Variants in PLCH1 observed in about 807,000 individuals in gnomAD.
PLCH1 encodes phospholipase C eta 1, also known as 1-phosphatidylinositol 4,5-bisphosphate phosphodiesterase eta-1.
Under a neutral mutation model 126.7 loss-of-function variants are expected in PLCH1, and 60 were observed. The ratio of observed to expected loss-of-function variants is 0.47; its 90% CI spans 0.38 to 0.59. The LOEUF (loss-of-function observed/expected upper bound fraction) is 0.59, where lower values mean the gene tolerates loss of function less well. Ranked by LOEUF, PLCH1 falls within the 20% of genes least tolerant of loss-of-function variation. The pLI, the probability that PLCH1 is intolerant of heterozygous loss-of-function variation, is 0.00. For missense variants in PLCH1, 1,723 were observed against 2,040.0 expected (o/e 0.84, Z 2.99); for synonymous variants, 719 against 734.9 (o/e 0.98, Z 0.35).
intron 2 of PLCH1, among the ~76,000 whole-genome samples, chr3:155,701,424 G>A (rs1746263426): frequency 6.6e-6 from 1 of 152,166 alleles, no homozygotes; most frequent in South Asian, 2.1e-4. Flanking sequence ...TGGCAACACT[G>A]CTGAAGTTTG....
chr3:155,616,112 G>T (rs538186845), intron 2 of PLCH1, among the ~76,000 whole-genome samples: 10 of 152,028 alleles, frequency 6.6e-5, no homozygotes, highest in Non-Finnish European at 1.0e-4. Flanking sequence ...GAAAGAGTCC[G>T]ACATTATCTG....
intron 2 of PLCH1, among the ~76,000 whole-genome samples, chr3:155,660,440 A>G (rs1292266987): frequency 2.0e-5 from 3 of 152,214 alleles, no homozygotes; most frequent in Non-Finnish European, 2.9e-5. Context: ...GTCTTACACA[A>G]TAAAGACTTT....
At chr3:155,627,492 G>A (rs7649660) in intron 2 of PLCH1, among the ~76,000 whole-genome samples, 8 of 151,596 alleles carry the variant, frequency 5.3e-5, no homozygotes, top group Admixed American at 2.0e-4. Flanking sequence ...AAATTAGCCC[G>A]GCGTGGTGGC....
rs146533625 is a variant in PLCH1 at position 155,689,958 on chromosome 3, T to G, written c.79+14188A>C. Among the ~76,000 whole-genome samples, 488 of 144,226 alleles carry G rather than the reference T, an allele frequency of 3.4e-3. 2 individuals are homozygous for G. Among genetic ancestry groups the G allele is most frequent in the South Asian group, 0.021 (96 of 4,602 alleles). The allele number at this position is 144,226 out of a possible 152,430, so 94.6% of individuals were successfully genotyped here. A position where few individuals can be genotyped will look rare whatever the true frequency, so the allele number is the denominator to read the frequency against. The stretch of plus-strand genomic sequence containing the variant: ...GAACACAAAGCAGATTTAACCCAAA[T>G]AAGACTATCTCAAAGCATTTAATAA... On this transcript the variant is annotated intron_variant, in intron 2 of 22. Coordinates refer to ENST00000460012, the MANE Select transcript of PLCH1 (RefSeq NM_014996.4).
Position 155,481,182 on chromosome 3 carries a change from G to A in PLCH1, c.4844C>T (p.Thr1615Ile), listed in dbSNP as rs572787562. ...GGTGGAGTGGCGATTCACTGCAGGG[G>A]TGGGTGCTGAGGGTTTGTTTCTAAG... ...VVLRNKPSAP[T>I]PAVNRHSTGS... is the part of the protein sequence containing the mutation. Residue 1615 changes from threonine to isoleucine, a missense_variant, in exon 23 of 23, where the codon ACC (threonine) becomes ATC (isoleucine). By Grantham distance (89) the Thr-to-Ile change is moderately conservative (BLOSUM62 -1). Around this residue, in one of 2 missense-constraint regions of PLCH1, gnomAD observed 947 missense variants for 977.1 expected, o/e 0.97. Coordinates refer to ENST00000460012, the MANE Select transcript of PLCH1 (RefSeq NM_014996.4). This position sits in a 1 kb window ranked among gnomAD's most constrained non-coding sequence, Gnocchi z 4.2. 1 of 1,614,242 alleles carries A rather than the reference G, an allele frequency of 6.2e-7. No individual in the cohort carries two copies. The highest frequency in any genetic ancestry group is 1.1e-5 in the South Asian group (1 of 91,086).
intron 2 of PLCH1, among the ~76,000 whole-genome samples, chr3:155,623,251 A>T (rs1219204760): frequency 6.6e-6 from 1 of 152,236 alleles, no homozygotes; most frequent in Non-Finnish European, 1.5e-5. Flanking sequence ...GACACATTTA[A>T]AGCAGTGTGT....
chr3:155,607,610 T>G (rs1279490206), intron 2 of PLCH1, among the ~76,000 whole-genome samples: 4 of 152,018 alleles, frequency 2.6e-5, no homozygotes, highest in Non-Finnish European at 4.4e-5. Context: ...CTGGCTAATT[T>G]TTGTATTTTT....
rs142581375 is a variant in PLCH1, at chr3:155,615,040, C to T, written c.80-18662G>A. Among the ~76,000 whole-genome samples, 414 of 152,018 alleles carry T rather than the reference C, an allele frequency of 2.7e-3. 1 individual carries two copies. The highest frequency in any genetic ancestry group is 9.4e-3 in the African/African-American group (389 of 41,474). The stretch of plus-strand genomic sequence containing the variant: ...AAATCTTCACAAACTATGAATCCAA[C>T]GAAGGACTAATATCCAGAATCTACA... On this transcript the variant is annotated intron_variant, in intron 2 of 22. Transcript: ENST00000460012.
At chr3:155,624,133 G>A (rs574226079) in intron 2 of PLCH1, among the ~76,000 whole-genome samples, 113 of 151,928 alleles carry the variant, frequency 7.4e-4, no homozygotes, top group Non-Finnish European at 1.4e-3. Context: ...CACATAAACA[G>A]AACCAATGAC....
intron 1 of PLCH1, among the ~76,000 whole-genome samples, chr3:155,729,551 T>C (rs1182384810): frequency 6.6e-6 from 1 of 152,234 alleles, no homozygotes; most frequent in African/African-American, 2.4e-5. Context: ...CAAATCTCTG[T>C]TCCTGGTTAT....
intron 11 of PLCH1, 123 bp downstream of exon 11, chr3:155,523,771 TTCA>T (rs1576904720): frequency 3.4e-6 from 2 of 594,808 alleles, no homozygotes; most frequent in East Asian, 6.0e-5. Context: ...TAAAGTAATT[TTCA>T]ATGAATATCC....
At chr3:155,744,270 C>G (rs764569358) in intron 1 of PLCH1, among the ~76,000 whole-genome samples, 1 of 152,176 alleles carries the variant, frequency 6.6e-6, no homozygotes, top group Non-Finnish European at 1.5e-5. Context: ...CACCCCGCGC[C>G]GCTCGGGCGC....
At chr3:155,675,902 A>G (rs1744036098) in intron 2 of PLCH1, 1 of 683,506 alleles carries the variant, frequency 1.5e-6, no homozygotes, top group Non-Finnish European at 2.5e-6. Flanking sequence ...ATTCAAATAA[A>G]TATTTAACTT....
At chr3:155,632,329 TGTCTTCTTTAA>T (rs1738152378) in intron 2 of PLCH1, among the ~76,000 whole-genome samples, 1 of 152,178 alleles carries the variant, frequency 6.6e-6, no homozygotes, top group South Asian at 2.1e-4. Flanking sequence ...AAAAAAGTCC[TGTCTTCTTTAA>T]GTCAATTACC....
At chr3:155,731,083 A>G (rs1251920309) in intron 1 of PLCH1, among the ~76,000 whole-genome samples, 2 of 152,210 alleles carry the variant, frequency 1.3e-5, no homozygotes, top group African/African-American at 2.4e-5. Context: ...CTCCATTGCC[A>G]GGTTTACCTC....
chr3:155,532,367 A>T (rs1391963762), intron 10 of PLCH1, among the ~76,000 whole-genome samples: 1 of 151,790 alleles, frequency 6.6e-6, no homozygotes, highest in Non-Finnish European at 1.5e-5. Flanking sequence ...GAGTGGCCAA[A>T]GTGTGAGGAG....
chr3:155,660,590 C>A (rs1742019662), intron 2 of PLCH1, among the ~76,000 whole-genome samples: 1 of 152,188 alleles, frequency 6.6e-6, no homozygotes, highest in South Asian at 2.1e-4. Flanking sequence ...TTAAAGTGAT[C>A]TAACTACAGC....
intron 11 of PLCH1, among the ~76,000 whole-genome samples, chr3:155,518,494 A>C (rs370903213): frequency 1.3e-5 from 2 of 152,300 alleles, no homozygotes; most frequent in East Asian, 3.9e-4. Context: ...TCCCTCTTAT[A>C]TTGTTACAGA....
In PLCH1 at chr3:155,549,932, T is replaced by C. The variant is rs1560151808; in HGVS notation, c.1217A>G (p.Asn406Ser). The change falls in exon 10 of 23, where the codon AAT becomes AGT. Residue 406 changes from asparagine to serine, a missense_variant. Physicochemically the swap from Asn to Ser is conservative, Grantham distance 46. Around this residue, in one of 2 missense-constraint regions of PLCH1, gnomAD observed 776 missense variants for 1,062.9 expected, o/e 0.73. Transcript: ENST00000460012. Reference protein sequence around the residue: ...NEFPVILSIENHCSIQQQRKI... With the variant: ...NEFPVILSIESHCSIQQQRKI... Reference sequence around the variant, plus strand: ...CCTTTGCTGCTGGATACTGCAGTGATTCTCGATAGACAATATAACAGGAAA... The same window carrying C: ...CCTTTGCTGCTGGATACTGCAGTGACTCTCGATAGACAATATAACAGGAAA... The C allele has an allele frequency of 1.2e-6, 2 of 1,613,778 alleles. No homozygotes were observed. Among genetic ancestry groups the C allele is most frequent in the Admixed American group, 3.3e-5 (2 of 59,950 alleles).
Sources: gnomAD v4.1 joint callset for allele counts (sites outside exome capture counted in the v4.1 genomes callset) on GRCh38, gnomAD v4.1.1 for gene constraint, gnomAD v4.1.1 regional missense constraint, Gnocchi (gnomAD v3.1) non-coding constraint, MANE v1.5 for transcripts, NCBI Gene and HGNC (gene_info 2026-07-23, HGNC 2026-07-21) for gene names.